COL12A1: variants seen among roughly 807,000 people sequenced by gnomAD.
COL12A1 encodes collagen alpha-1(XII) chain.
Under a neutral mutation model 349.7 loss-of-function variants are expected in COL12A1, and 114 were observed. That is an observed-to-expected ratio of 0.33 (90% confidence interval 0.28 to 0.38). COL12A1 has a LOEUF of 0.38. Ranked by LOEUF, COL12A1 falls within the 10% of genes least tolerant of loss-of-function variation. The probability of loss-of-function intolerance (pLI) is 1.00; values close to 1 mark genes in which losing one functional copy is unlikely to be tolerated. For synonymous variants in COL12A1, 1,369 were observed against 1,329.0 expected (o/e 1.03, Z -0.66); for missense variants, 3,284 against 3,756.9 (o/e 0.87, Z 3.29).
At position 75,119,062 on chromosome 6, in the gene COL12A1, A is replaced by T. The variant is rs757939356; in HGVS notation, c.7335T>A (p.Ala2445=). Residue 2445 remains alanine (A), a synonymous_variant, in exon 46 of 66, where the codon GCT becomes GCA. Coordinates refer to ENST00000322507, the MANE Select transcript of COL12A1 (RefSeq NM_004370.6). ...GRSQDEVKKA[A]LVIQQSGFSV... ...GCTTGCCTGACTGCTGGATGACCAA[A>T]GCCGCCTTCTTGACCTCATCCTGGG... The T allele has an allele frequency of 3.1e-6, 5 of 1,613,966 alleles. No individual in the cohort carries two copies. In the East Asian group the frequency reaches 1.1e-4, roughly 36 times the overall value.
At chr6:75,151,530 C>CA (rs553345231) in intron 20 of COL12A1, among the ~76,000 whole-genome samples, 8 of 152,014 alleles carry the variant, frequency 5.3e-5, no homozygotes, top group Non-Finnish European at 8.8e-5. Context: ...AATTTCCCGC[C>CA]AAAAAGACTC....
chr6:75,172,626 T>C (rs1208141990), intron 13 of COL12A1, among the ~76,000 whole-genome samples: 2 of 152,228 alleles, frequency 1.3e-5, no homozygotes, highest in African/African-American at 4.8e-5. Flanking sequence ...AAAGGACAAA[T>C]TTCTCCAAAA....
chr6:75,203,545 T>G (rs555485928), intron 1 of COL12A1, among the ~76,000 whole-genome samples: 2 of 152,370 alleles, frequency 1.3e-5, no homozygotes, highest in East Asian at 3.9e-4. Flanking sequence ...ATAAAAATTA[T>G]CAATAATAAT....
chr6:75,191,842 G>A lies in COL12A1; in HGVS notation c.335-82C>T, dbSNP rs541254326. On this transcript the variant is annotated intron_variant, in intron 4 of 65. Coordinates refer to ENST00000322507, the MANE Select transcript of COL12A1 (RefSeq NM_004370.6). ...AAAATAGAATAAATATATTATATTAGTTTTTGTTATTGTCTCTTAAATGTA... is the reference window on the plus strand; with the variant it reads ...AAAATAGAATAAATATATTATATTAATTTTTGTTATTGTCTCTTAAATGTA... 5.9e-6 allele frequency: 5 copies of A among 840,768 alleles called. No homozygotes were observed. In the Admixed American group the frequency reaches 1.0e-4, roughly 17 times the overall value. The allele number at this position is 840,768 out of a possible 1,614,324, so 52.1% of individuals were successfully genotyped here.
intron 60 of COL12A1, among the ~76,000 whole-genome samples, chr6:75,092,888 A>G (rs1767841882): frequency 6.6e-6 from 1 of 152,186 alleles, no homozygotes; most frequent in South Asian, 2.1e-4. Flanking sequence ...ATCCCTCTCC[A>G]TTTAACTCCC....
chr6:75,126,351 C>A lies in COL12A1; in HGVS notation c.6460G>T (p.Gly2154Cys). Reference sequence around the variant, plus strand: ...TATGATGACAAAGGCACTTCCTTACCCACTGGCTTATATACTATTTTATAT... The same window carrying A: ...TATGATGACAAAGGCACTTCCTTACACACTGGCTTATATACTATTTTATAT... ...LGYKIVYKPVGSNEPMEAFVG... is the reference protein window; with the variant it reads ...LGYKIVYKPVCSNEPMEAFVG... The change falls in exon 39 of 66, where the codon GGT (glycine) becomes TGT (cysteine). Residue 2154 changes from glycine (G) to cysteine (C), a missense_variant and splice_region_variant. This residue lies in a region of COL12A1 where 2,601 missense variants were observed against 2,824.8 expected (regional missense o/e 0.92). Coordinates refer to ENST00000322507, the MANE Select transcript of COL12A1 (RefSeq NM_004370.6). 2 of 1,607,548 alleles carry A rather than the reference C, an allele frequency of 1.2e-6. No individual in the cohort carries two copies. The highest frequency in any genetic ancestry group is 2.2e-5 in the South Asian group (2 of 90,630).
chr6:75,143,233 A>G lies in COL12A1; in HGVS notation c.4827+19T>C, dbSNP rs762333534. 6.2e-7 allele frequency: 1 copy of G among 1,612,888 alleles called. No homozygotes were observed. The highest frequency in any genetic ancestry group is 1.7e-5 in the Admixed American group (1 of 59,808). ...TAGGAAAACAAATATTTTCATATCT[A>G]CTATCATCTTCAACCTACCTCTTTG... is the stretch of plus-strand genomic sequence containing the variant. On this transcript the variant is annotated intron_variant, in intron 26 of 65. Transcript: ENST00000322507.
intron 1 of COL12A1, among the ~76,000 whole-genome samples, chr6:75,203,611 G>A (rs1770635015): frequency 6.6e-6 from 1 of 152,130 alleles, no homozygotes. Flanking sequence ...ATACCCCAGA[G>A]GAGAATATGT....
At chr6:75,106,777 G>A (rs780483148) in intron 52 of COL12A1, among the ~76,000 whole-genome samples, 2 of 151,394 alleles carry the variant, frequency 1.3e-5, no homozygotes, top group Non-Finnish European at 2.9e-5. Flanking sequence ...AGATAGAAAA[G>A]TGAAAGGTGT....
Position 75,146,372 on chromosome 6 carries a change from G to C in COL12A1, c.4418-128C>G, listed in dbSNP as rs1046007681. 37 of 1,063,902 alleles carry C rather than the reference G, an allele frequency of 3.5e-5. No homozygotes were observed. In the African/African-American group the frequency reaches 5.2e-4, roughly 15 times the overall value. 65.9% of individuals were successfully genotyped at this position (1,063,902 alleles called of 1,614,324 possible). ...GTGGGTTACTGTGAGAAATCAATAA[G>C]AGTTAATATAATCCTTCCCATTGCC... On this transcript the variant is annotated intron_variant, in intron 23 of 65. Coordinates refer to ENST00000322507, the MANE Select transcript of COL12A1 (RefSeq NM_004370.6).
At chr6:75,108,356 G>T (rs1438632629) in intron 52 of COL12A1, among the ~76,000 whole-genome samples, 1 of 152,006 alleles carries the variant, frequency 6.6e-6, no homozygotes, top group Admixed American at 6.6e-5. Context: ...TGAAAATGCT[G>T]GGATTATAGG....
chr6:75,130,806 A>G, intron 36 of COL12A1, 46 bp downstream of exon 36: 1 of 1,608,398 alleles, frequency 6.2e-7, no homozygotes, highest in East Asian at 2.2e-5. Flanking sequence ...AAGCCCTGCC[A>G]ATCTAGCTAC....
chr6:75,126,158 C>T (rs1275279229), intron 39 of COL12A1, among the ~76,000 whole-genome samples, 193 bp downstream of exon 39: 4 of 152,254 alleles, frequency 2.6e-5, no homozygotes, highest in African/African-American at 9.6e-5. Flanking sequence ...ATCTCATCTA[C>T]ACCTATAATA....
Position 75,085,796 on chromosome 6 carries a change from A to T in COL12A1, c.*751T>A, listed in dbSNP as rs183062305. On this transcript the variant is annotated 3_prime_UTR_variant, in exon 66 of 66. Coordinates refer to ENST00000322507, the MANE Select transcript of COL12A1 (RefSeq NM_004370.6). ...TGAACTCGGGGGGTGAAAAGCAACT[A>T]TCACCAGGTAATATACAGTACATGA... 233 of 201,168 alleles carry T rather than the reference A, an allele frequency of 1.2e-3. No individual in the cohort carries two copies. Among genetic ancestry groups the T allele is most frequent in the African/African-American group, 5.1e-3 (223 of 43,316 alleles). 12.5% of individuals were successfully genotyped at this position (201,168 alleles called of 1,614,324 possible).
At chr6:75,130,704 C>G in intron 36 of COL12A1, 148 bp downstream of exon 36, 3 of 995,214 alleles carry the variant, frequency 3.0e-6, no homozygotes, top group Non-Finnish European at 4.4e-6. Flanking sequence ...GTCACAGACC[C>G]AATGTTTTCG....
intron 36 of COL12A1, among the ~76,000 whole-genome samples, chr6:75,130,497 T>C (rs1182213983): frequency 6.6e-6 from 1 of 152,142 alleles, no homozygotes; most frequent in Non-Finnish European, 1.5e-5. Context: ...ACTATAACTA[T>C]ATCTATTCAA....
chr6:75,191,482 A>G (rs188081162), intron 5 of COL12A1, among the ~76,000 whole-genome samples: 1 of 152,180 alleles, frequency 6.6e-6, no homozygotes, highest in Admixed American at 6.5e-5. Flanking sequence ...TGAAAAGAAT[A>G]TCTAGTAAAT....
In COL12A1 at chr6:75,156,245, A is replaced by G; in HGVS notation, c.3250+12T>C. ...CTTCTCTCCCCCTCAAAATATAATT[A>G]TTATTTCATACCTGTTGTTCCTGAT... On this transcript the variant is annotated intron_variant, in intron 15 of 65. Transcript: ENST00000322507. The G allele has an allele frequency of 6.2e-7, 1 of 1,612,468 alleles. No homozygotes were observed. The highest frequency in any genetic ancestry group is 1.1e-5 in the South Asian group (1 of 90,902).
chr6:75,131,044 T>G, intron 35 of COL12A1, 63 bp from the exon 36 acceptor site: 2 of 1,600,072 alleles, frequency 1.2e-6, no homozygotes, highest in Non-Finnish European at 1.7e-6. Context: ...AAGTCTTCAG[T>G]TAGTCATCAC....
Sources: allele counts gnomAD v4.1 joint callset (sites outside exome capture counted in the v4.1 genomes callset), GRCh38; gene constraint gnomAD v4.1.1; regional missense constraint gnomAD v4.1.1; transcripts MANE v1.5; gene names NCBI Gene and HGNC (gene_info 2026-07-23, HGNC 2026-07-21).